The following WDFY4 variants were observed in gnomAD, a reference collection of about 807,000 sequenced individuals.
The protein encoded by WDFY4 is WDFY family member 4.
Under a neutral mutation model 351.9 loss-of-function variants are expected in WDFY4, and 169 were observed. That is an observed-to-expected ratio of 0.48 (90% CI 0.42 to 0.55). WDFY4 has a LOEUF of 0.55. WDFY4 is among the 20% of genes least tolerant of loss of function. The probability of loss-of-function intolerance (pLI) is 0.00; values close to 1 mark genes in which losing one functional copy is unlikely to be tolerated. For synonymous variants in WDFY4, 1,622 were observed against 1,574.6 expected (o/e 1.03, Z -0.71); for missense variants, 3,803 against 3,935.6 (o/e 0.97, Z 0.90).
intron 47 of WDFY4, chr10:48,910,147 C>G: frequency 8.2e-7 from 1 of 1,219,634 alleles, no homozygotes; most frequent in Non-Finnish European, 1.2e-6. Flanking sequence ...TCTCACTTGC[C>G]ACTCTGTCTT....
At chr10:48,735,656 G>T (rs2064633470) in intron 10 of WDFY4, among the ~76,000 whole-genome samples, 1 of 151,912 alleles carries the variant, frequency 6.6e-6, no homozygotes, top group Admixed American at 6.5e-5. Context: ...CATTGGAGAA[G>T]AAAGCAGTTT....
At chr10:48,928,156 G>A (rs1455138062) in intron 47 of WDFY4, among the ~76,000 whole-genome samples, 1 of 152,188 alleles carries the variant, frequency 6.6e-6, no homozygotes, top group Admixed American at 6.5e-5. Context: ...TCTCAGAGAA[G>A]CGGCTTGGCA....
intron 24 of WDFY4, among the ~76,000 whole-genome samples, chr10:48,797,343 G>C (rs1419798669): frequency 6.6e-6 from 1 of 152,128 alleles, no homozygotes; most frequent in Non-Finnish European, 1.5e-5. Context: ...GTCCTCAGGA[G>C]AAGTTTCAAA....
At chr10:48,691,552 C>T (rs1288911090) in intron 1 of WDFY4, among the ~76,000 whole-genome samples, 1 of 152,232 alleles carries the variant, frequency 6.6e-6, no homozygotes, top group Non-Finnish European at 1.5e-5. Flanking sequence ...TGTCTGCCTC[C>T]TCCCCTTGCC....
chr10:48,902,691 ATGAGTGAAC>A (rs1044177603), intron 47 of WDFY4, among the ~76,000 whole-genome samples: 13 of 152,152 alleles, frequency 8.5e-5, no homozygotes, highest in African/African-American at 3.1e-4. Context: ...ACCAATATAA[ATGAGTGAAC>A]TATAAAGCAT....
chr10:48,790,111 AC>A, intron 22 of WDFY4, 126 bp downstream of exon 22: 2 of 908,910 alleles, frequency 2.2e-6, no homozygotes, highest in African/African-American at 1.6e-5. Flanking sequence ...GGTCGGGAGG[AC>A]CAGAGTTGGG....
intron 23 of WDFY4, among the ~76,000 whole-genome samples, chr10:48,795,363 C>T (rs1305117425): frequency 1.3e-5 from 2 of 151,494 alleles, no homozygotes; most frequent in Non-Finnish European, 2.9e-5. Context: ...CCAGAACTGA[C>T]TGAGTGTCAG....
At chr10:48,970,107 G>T (rs543838002) in intron 56 of WDFY4, 24 bp from the exon 57 acceptor site, 74 of 1,550,060 alleles carry the variant, frequency 4.8e-5, no homozygotes, top group Non-Finnish European at 6.4e-5. Flanking sequence ...CCACAGCAGC[G>T]CTCATCCCCC....
At chr10:48,716,708 T>C (rs1156899428) in intron 2 of WDFY4, among the ~76,000 whole-genome samples, 1 of 152,192 alleles carries the variant, frequency 6.6e-6, no homozygotes, top group Non-Finnish European at 1.5e-5. Context: ...CAATTTGCTT[T>C]ATTGTGGAGT....
chr10:48,806,186 A>G (rs1313632511), intron 27 of WDFY4, 91 bp downstream of exon 27: 1 of 1,291,788 alleles, frequency 7.7e-7, no homozygotes, highest in African/African-American at 1.5e-5. Flanking sequence ...GGGCTAAGTA[A>G]GGAAGGGGAA....
At chr10:48,917,457 C>A (rs1838655098) in intron 47 of WDFY4, among the ~76,000 whole-genome samples, 2 of 152,196 alleles carry the variant, frequency 1.3e-5, no homozygotes, top group Non-Finnish European at 2.9e-5. Flanking sequence ...GACACATAAT[C>A]AAACTGCTCC....
chr10:48,890,266 G>T (rs1470809853), intron 43 of WDFY4, among the ~76,000 whole-genome samples: 1 of 152,142 alleles, frequency 6.6e-6, no homozygotes, highest in Admixed American at 6.6e-5. Context: ...TGCTTTGCAT[G>T]GTTGTAGAGG....
intron 1 of WDFY4, among the ~76,000 whole-genome samples, chr10:48,692,512 A>G (rs1336771978): frequency 6.6e-6 from 1 of 152,218 alleles, no homozygotes; most frequent in Non-Finnish European, 1.5e-5. Flanking sequence ...TTCCCTCCCA[A>G]AGTGCTTTAA....
Position 48,790,797 on chromosome 10 carries a change from G to T in WDFY4, c.4137G>T (p.Leu1379=). 1 of 1,551,756 alleles carries T rather than the reference G, an allele frequency of 6.4e-7. No homozygotes were observed. The highest frequency in any genetic ancestry group is 8.7e-7 in the Non-Finnish European group (1 of 1,147,002). The part of the protein sequence containing the change: ...LDFIGGPAIL[L]GLISLATDDH... The stretch of plus-strand genomic sequence containing the variant: ...TCATTGGCGGGCCTGCCATCCTCCT[G>T]GGCCTCATCTCCTTAGCGACAGATG... The change falls in exon 23 of 62, where the codon CTG becomes CTT. Residue 1379 remains leucine (L), a synonymous_variant. Transcript: ENST00000325239.
Position 48,963,872 on chromosome 10 carries a change from C to T in WDFY4, c.8254C>T (p.Leu2752Phe), listed in dbSNP as rs768257337. Residue 2752 changes from leucine (L) to phenylalanine (F), a missense_variant, in exon 54 of 62, where the codon CTC (leucine) becomes TTC (phenylalanine). This residue lies in a region of WDFY4 where 3,054 missense variants were observed against 3,148.6 expected (regional missense o/e 0.97). Transcript: ENST00000325239. ...ALESDFVSAN[L>F]HHWIDLIFGY... ...GGAAAGTGACTTTGTCAGTGCCAAC[C>T]TCCACCATTGGATAGACCTTATTTT... The T allele has an allele frequency of 3.2e-6, 5 of 1,551,610 alleles. No homozygotes were observed. Among genetic ancestry groups the T allele is most frequent in the South Asian group, 1.2e-5 (1 of 84,042 alleles).
chr10:48,770,785 T>A (rs184964645), intron 13 of WDFY4, among the ~76,000 whole-genome samples: 33 of 152,338 alleles, frequency 2.2e-4, no homozygotes, highest in African/African-American at 7.7e-4. Context: ...GCTACACATG[T>A]CCATCTGCCA....
chr10:48,882,015 C>T (rs149728669), intron 43 of WDFY4, among the ~76,000 whole-genome samples: 10 of 152,372 alleles, frequency 6.6e-5, no homozygotes, highest in African/African-American at 2.4e-4. Context: ...TCCTCCTCGT[C>T]CCTTCCTTCC....
chr10:48,723,418 GCT>G lies in WDFY4; in HGVS notation c.457-12_457-11del. On this transcript the variant is annotated splice_polypyrimidine_tract_variant and intron_variant, in intron 4 of 61. Coordinates refer to ENST00000325239, the MANE Select transcript of WDFY4 (RefSeq NM_001394531.1). ...TGCCTTGCTGCCTGGGGTCACGTGTGCTCTTCTCTTGCAGGAGACGCTGGGCA... is the reference window on the plus strand; with the variant it reads ...TGCCTTGCTGCCTGGGGTCACGTGTGCTTCTCTTGCAGGAGACGCTGGGCA... 6.5e-7 allele frequency: 1 copy of G among 1,548,814 alleles called. No individual in the cohort carries two copies. The highest frequency in any genetic ancestry group is 8.7e-7 in the Non-Finnish European group (1 of 1,146,832).
chr10:48,910,366 G>GGT (rs2133464331), intron 47 of WDFY4: 1 of 950,742 alleles, frequency 1.1e-6, no homozygotes, highest in East Asian at 2.4e-5. Flanking sequence ...TGACCTTCAG[G>GGT]ATGGTCAGGT....
Sources: allele counts gnomAD v4.1 joint callset (sites outside exome capture counted in the v4.1 genomes callset), GRCh38; gene constraint gnomAD v4.1.1; regional missense constraint gnomAD v4.1.1; transcripts MANE v1.5; gene names NCBI Gene and HGNC (gene_info 2026-07-23, HGNC 2026-07-21).